The following TBCK variants were observed in gnomAD, a reference collection of about 807,000 sequenced individuals.
TBCK encodes the protein TBC1 domain containing kinase, also known as TBC domain-containing protein kinase-like protein.
TBCK carries 99 observed loss-of-function variants against 113.4 expected under a neutral mutation model. The ratio of observed to expected loss-of-function variants is 0.87; its 90% CI spans 0.74 to 1.03. The LOEUF (loss-of-function observed/expected upper bound fraction) is 1.03, where lower values mean the gene tolerates loss of function less well. Ranked by LOEUF, TBCK falls within the 50% of genes least tolerant of loss-of-function variation. The probability of loss-of-function intolerance (pLI) is 0.00; values close to 1 mark genes in which losing one functional copy is unlikely to be tolerated. For synonymous variants in TBCK, 369 were observed against 370.8 expected (o/e 1.00, Z 0.05); for missense variants, 1,045 against 1,061.3 (o/e 0.98, Z 0.21).
In TBCK at chr4:106,106,530, A is replaced by G. The variant is rs754069415; in HGVS notation, c.2411+9673T>C. 3.4e-4 allele frequency among the ~76,000 whole-genome samples: 51 copies of G among 152,230 alleles called. 1 individual carries two copies. Among genetic ancestry groups the G allele is most frequent in the Non-Finnish European group, 5.9e-5 (4 of 68,034 alleles). On this transcript the variant is annotated intron_variant, in intron 24 of 25. Coordinates refer to ENST00000394708, the MANE Select transcript of TBCK (RefSeq NM_001163435.3). The stretch of plus-strand genomic sequence containing the variant: ...AAAAAAATCTTTAACCAAGAATTTC[A>G]TATCTAGCTAAACTAAACTCTCTAA...
intron 19 of TBCK, 29 bp downstream of exon 19, chr4:106,230,334 G>C (rs753919010): frequency 6.9e-7 from 1 of 1,451,988 alleles, no homozygotes; most frequent in Non-Finnish European, 9.5e-7. Context: ...TAGTTTCTCT[G>C]TAGAAAGACA....
chr4:106,110,086 G>A (rs1182271328), intron 24 of TBCK, among the ~76,000 whole-genome samples: 1 of 152,168 alleles, frequency 6.6e-6, no homozygotes, highest in Non-Finnish European at 1.5e-5. Flanking sequence ...CTCCAGGGAG[G>A]GTGACCATGT....
intron 3 of TBCK, among the ~76,000 whole-genome samples, chr4:106,293,295 C>T (rs1560979515): frequency 6.6e-6 from 1 of 152,142 alleles, no homozygotes; most frequent in Admixed American, 6.5e-5. Context: ...TCTGCAGTGA[C>T]AGCAACCAAA....
At chr4:106,239,894 C>T (rs1007442633) in intron 12 of TBCK, among the ~76,000 whole-genome samples, 13 of 151,710 alleles carry the variant, frequency 8.6e-5, no homozygotes, top group African/African-American at 3.1e-4. Context: ...GACTAGTATA[C>T]CCCTGATACC....
chr4:106,129,591 T>C (rs1386266517), intron 23 of TBCK, among the ~76,000 whole-genome samples: 11 of 152,094 alleles, frequency 7.2e-5, no homozygotes, highest in Admixed American at 7.2e-4. Context: ...GTCCTTCTTG[T>C]AACAAATAAA....
chr4:106,181,010 T>C (rs191443546), intron 22 of TBCK, among the ~76,000 whole-genome samples: 143 of 152,342 alleles, frequency 9.4e-4, no homozygotes, highest in Non-Finnish European at 1.7e-3. Context: ...TTCCTATTTT[T>C]CCACAACCTC....
chr4:106,237,130 A>C (rs1759567050), intron 12 of TBCK, among the ~76,000 whole-genome samples: 1 of 152,078 alleles, frequency 6.6e-6, no homozygotes, highest in Non-Finnish European at 1.5e-5. Context: ...TGGGAAAAAA[A>C]TTTTAAGTTA....
intron 19 of TBCK, among the ~76,000 whole-genome samples, chr4:106,225,609 G>A (rs750729764): frequency 6.6e-6 from 1 of 152,032 alleles, no homozygotes; most frequent in Non-Finnish European, 1.5e-5. Context: ...ACAGGCGCCT[G>A]CCACCATGCC....
chr4:106,056,885 G>A (rs1300594977), intron 25 of TBCK, among the ~76,000 whole-genome samples: 1 of 151,722 alleles, frequency 6.6e-6, no homozygotes, highest in Non-Finnish European at 1.5e-5. Flanking sequence ...TAATAGTTAA[G>A]TCTAACATCC....
At chr4:106,223,180 A>C (rs1055048707) in intron 19 of TBCK, among the ~76,000 whole-genome samples, 3 of 152,260 alleles carry the variant, frequency 2.0e-5, no homozygotes, top group Non-Finnish European at 1.5e-5. Context: ...TATTAAAAGT[A>C]ATGGAAAAAA....
At chr4:106,154,380 T>C (rs1488900917) in intron 23 of TBCK, among the ~76,000 whole-genome samples, 1 of 152,194 alleles carries the variant, frequency 6.6e-6, no homozygotes, top group African/African-American at 2.4e-5. Context: ...TTTAGCTTTT[T>C]GTTTTTCCTG....
At chr4:106,211,638 A>G (rs1206391969) in intron 20 of TBCK, among the ~76,000 whole-genome samples, 2 of 152,090 alleles carry the variant, frequency 1.3e-5, no homozygotes, top group African/African-American at 4.8e-5. Flanking sequence ...GCTTTATAGT[A>G]TTCTATTAAA....
At chr4:106,183,052 G>A (rs1752591045) in intron 22 of TBCK, among the ~76,000 whole-genome samples, 1 of 152,004 alleles carries the variant, frequency 6.6e-6, no homozygotes, top group Admixed American at 6.6e-5. Flanking sequence ...TAAAATATTA[G>A]AAATCTCTCA....
chr4:106,274,406 G>A (rs1763803238), intron 3 of TBCK, among the ~76,000 whole-genome samples: 1 of 152,118 alleles, frequency 6.6e-6, no homozygotes, highest in Non-Finnish European at 1.5e-5. Context: ...AGTCATAACA[G>A]CCAAAAGGTA....
At chr4:106,316,359 G>GT, upstream of TBCK, 9 of 608,582 alleles carry the variant, frequency 1.5e-5, no homozygotes, top group Non-Finnish European at 1.8e-5. Flanking sequence ...GGGGGGACGG[G>GT]GGGGGTCGAT....
intron 25 of TBCK, among the ~76,000 whole-genome samples, chr4:106,065,185 A>C (rs1397476781): frequency 6.6e-6 from 1 of 151,950 alleles, no homozygotes; most frequent in Non-Finnish European, 1.5e-5. Flanking sequence ...TTAATACATG[A>C]TATGGTAGAC....
intron 1 of TBCK, among the ~76,000 whole-genome samples, chr4:106,309,671 G>A (rs1767973619): frequency 1.3e-5 from 2 of 152,066 alleles, no homozygotes; most frequent in African/African-American, 4.8e-5. Flanking sequence ...TTCTCATACA[G>A]TGAGGTAGGT....
intron 24 of TBCK, among the ~76,000 whole-genome samples, chr4:106,107,724 A>T (rs1053854158): frequency 6.6e-6 from 1 of 152,240 alleles, no homozygotes; most frequent in Non-Finnish European, 1.5e-5. Context: ...AATGGAAAGA[A>T]TTAGAGAAGT....
At chr4:106,185,405 A>G (rs1752896844) in intron 22 of TBCK, among the ~76,000 whole-genome samples, 1 of 152,056 alleles carries the variant, frequency 6.6e-6, no homozygotes, top group Non-Finnish European at 1.5e-5. Flanking sequence ...TTAACTGTAT[A>G]TTAATTGTTG....
Sources: gnomAD v4.1 joint callset for allele counts (sites outside exome capture counted in the v4.1 genomes callset) on GRCh38, gnomAD v4.1.1 for gene constraint, MANE v1.5 for transcripts, NCBI Gene and HGNC (gene_info 2026-07-23, HGNC 2026-07-21) for gene names.